TRPM1: variants seen among roughly 807,000 people sequenced by gnomAD.
The protein encoded by TRPM1 is TRPM1-203 APA Isoform, Intron 10.
A neutral mutation model predicts 149.4 loss-of-function variants in TRPM1; 113 were observed. That is an observed-to-expected ratio of 0.76 (90% CI 0.65 to 0.88). TRPM1 has a LOEUF of 0.88. Ranked by LOEUF, TRPM1 falls within the 40% of genes least tolerant of loss-of-function variation. TRPM1 has a pLI of 0.00. For synonymous variants in TRPM1, 741 were observed against 759.5 expected, an observed-to-expected ratio of 0.98 and a Z score of 0.40; for missense variants, 1,976 against 2,038.7, an observed-to-expected ratio of 0.97 and a Z score of 0.59.
chr15:31,012,589 T>C (rs758473589), intron 27 of TRPM1, among the ~76,000 whole-genome samples: 5 of 152,252 alleles, frequency 3.3e-5, no homozygotes, highest in Non-Finnish European at 5.9e-5. Flanking sequence ...TTAATTGGTA[T>C]GGATCTCCTT....
At chr15:31,106,868 T>C (rs894658010) in intron 1 of TRPM1, among the ~76,000 whole-genome samples, 1 of 152,218 alleles carries the variant, frequency 6.6e-6, no homozygotes, top group Non-Finnish European at 1.5e-5. Flanking sequence ...TTCATAGAGA[T>C]TGTAGCATTT....
chr15:31,045,585 G>T (rs1034423542), intron 16 of TRPM1, among the ~76,000 whole-genome samples: 5 of 152,158 alleles, frequency 3.3e-5, no homozygotes, highest in African/African-American at 9.7e-5. Flanking sequence ...ATGATATTGG[G>T]CATGCTTGTC....
At chr15:31,065,705 AT>A (rs2034355634) in intron 7 of TRPM1, among the ~76,000 whole-genome samples, 2 of 152,250 alleles carry the variant, frequency 1.3e-5, no homozygotes, top group South Asian at 4.1e-4. Context: ...CATAATACTT[AT>A]CAGCAAATAG....
Position 31,002,133 on chromosome 15 carries a change from G to C in TRPM1, c.4567C>G (p.Gln1523Glu), listed in dbSNP as rs1328689837. Residue 1523 changes from glutamine to glutamate, a missense_variant, in exon 28 of 28, where the codon CAG becomes GAG. By Grantham distance (29) the Gln-to-Glu change is conservative. Transcript: ENST00000256552. ...EAAVQAEHKE[Q>E]FADMQDEHHV... Reference sequence around the variant, plus strand: ...TGTTCATCTTGCATATCTGCAAACTGCTCTTTATGCTCAGCTTGCACTGCA... The same window carrying C: ...TGTTCATCTTGCATATCTGCAAACTCCTCTTTATGCTCAGCTTGCACTGCA... 1.3e-5 allele frequency: 21 copies of C among 1,614,210 alleles called. No individual in the cohort carries two copies. Among genetic ancestry groups the C allele is most frequent in the Non-Finnish European group, 1.8e-5 (21 of 1,180,038 alleles).
At chr15:31,104,347 C>T (rs1196618249), upstream of TRPM1, among the ~76,000 whole-genome samples, 2 of 152,124 alleles carry the variant, frequency 1.3e-5, no homozygotes, top group African/African-American at 4.8e-5. Flanking sequence ...GCCCAAGGGT[C>T]CTGGTTGGAC....
intron 10 of TRPM1, among the ~76,000 whole-genome samples, chr15:31,061,131 C>T (rs577203405): frequency 1.3e-5 from 2 of 152,320 alleles, no homozygotes; most frequent in African/African-American, 2.4e-5. Flanking sequence ...CAGAACACTG[C>T]GGAATGCAGT....
At chr15:31,113,802 T>G (rs151211359) in intron 1 of TRPM1, among the ~76,000 whole-genome samples, 1 of 152,136 alleles carries the variant, frequency 6.6e-6, no homozygotes, top group African/African-American at 2.4e-5. Flanking sequence ...GGACCCACAG[T>G]TAGCAACAGC....
At chr15:31,102,607 A>T (rs4779820), upstream of TRPM1, among the ~76,000 whole-genome samples, 105,131 of 152,102 alleles carry the variant, frequency 0.69, 37,857 homozygotes, top group East Asian at 0.96. Flanking sequence ...CAGGTTGTCA[A>T]GTTCTGCCCA....
At chr15:31,092,319 C>G (rs1285187763) in intron 1 of TRPM1, among the ~76,000 whole-genome samples, 1 of 151,886 alleles carries the variant, frequency 6.6e-6, no homozygotes, top group Non-Finnish European at 1.5e-5. Flanking sequence ...CAGAGACCAC[C>G]AGCTCTCCTG....
intron 27 of TRPM1, 107 bp from the exon 28 acceptor site, chr15:31,003,177 G>T: frequency 1.0e-6 from 1 of 983,978 alleles, no homozygotes; most frequent in Non-Finnish European, 1.5e-6. Flanking sequence ...AATACATATG[G>T]AACTGTTTGA....
At chr15:31,153,225 A>G (rs548069970) in intron 1 of TRPM1, among the ~76,000 whole-genome samples, 16 of 152,282 alleles carry the variant, frequency 1.1e-4, no homozygotes, top group African/African-American at 3.4e-4. Context: ...AACATTTACA[A>G]TCTATTCTCT....
chr15:31,116,743 T>C (rs1222976147), intron 1 of TRPM1, among the ~76,000 whole-genome samples: 1 of 152,124 alleles, frequency 6.6e-6, no homozygotes, highest in East Asian at 1.9e-4. Context: ...AAGAATTTCC[T>C]AGGGAACCCA....
At chr15:31,145,928 AAC>A (rs932880472) in intron 1 of TRPM1, among the ~76,000 whole-genome samples, 4 of 152,076 alleles carry the variant, frequency 2.6e-5, no homozygotes, top group African/African-American at 9.6e-5. Flanking sequence ...ACAAAAAAAA[AAC>A]AAAAACAAAA....
At chr15:31,070,993 T>G (rs372391625) in intron 3 of TRPM1, among the ~76,000 whole-genome samples, 59 of 152,326 alleles carry the variant, frequency 3.9e-4, no homozygotes, top group African/African-American at 1.4e-3. Flanking sequence ...CGCCCCAGCA[T>G]CAGGGATCTT....
Position 31,031,692 on chromosome 15 carries a change from C to T in TRPM1, c.2953-535G>A, listed in dbSNP as rs560188947. 8.5e-5 allele frequency among the ~76,000 whole-genome samples: 13 copies of T among 152,290 alleles called. No individual in the cohort carries two copies. In the South Asian group the frequency reaches 2.7e-3, roughly 32 times the overall value. On this transcript the variant is annotated intron_variant, in intron 22 of 27. Transcript: ENST00000256552. The stretch of plus-strand genomic sequence containing the variant: ...GCTGGAATTTACTAAAGCATACTTC[C>T]CTTAGCTCAAAACCACTTGCCCTAT...
intron 3 of TRPM1, among the ~76,000 whole-genome samples, chr15:31,073,259 A>T (rs1435661346): frequency 6.6e-6 from 1 of 152,150 alleles, no homozygotes; most frequent in African/African-American, 2.4e-5. Flanking sequence ...TGAAGAGACG[A>T]CTACTATTTC....
chr15:31,069,378 T>G (rs776911849), intron 4 of TRPM1: 34 of 978,686 alleles, frequency 3.5e-5, no homozygotes, highest in Non-Finnish European at 4.1e-5. Context: ...CAGAAGACTG[T>G]ATATTGCAGC....
intron 1 of TRPM1, among the ~76,000 whole-genome samples, chr15:31,086,917 G>A (rs571461157): frequency 2.6e-5 from 4 of 152,074 alleles, no homozygotes; most frequent in Admixed American, 2.0e-4. Context: ...TTTAAAAAAG[G>A]ACTTTACACA....
chr15:31,138,209 C>G lies in TRPM1; in HGVS notation c.54+22697G>C, dbSNP rs370636051. 6.6e-5 allele frequency among the ~76,000 whole-genome samples: 10 copies of G among 152,230 alleles called. No individual in the cohort carries two copies. In the South Asian group the frequency reaches 1.2e-3, roughly 19 times the overall value. ...TTGTCATTGGTGCAAACAACCAGGG[C>G]ACTGGAAAGGGGGCCGCCCTCACAA... is the stretch of plus-strand genomic sequence containing the variant. On this transcript the variant is annotated intron_variant, in intron 1 of 26. Transcript: ENST00000542188.
Sources: allele counts gnomAD v4.1 joint callset (sites outside exome capture counted in the v4.1 genomes callset), GRCh38; gene constraint gnomAD v4.1.1; transcripts MANE v1.5; gene names NCBI Gene and HGNC (gene_info 2026-07-23, HGNC 2026-07-21).